Variants in STAM observed in about 807,000 individuals in gnomAD.
STAM encodes the protein signal transducing adapter molecule 1.
In STAM, 16 loss-of-function variants were observed where a neutral mutation model predicts 63.4. The ratio of observed to expected loss-of-function variants is 0.25; its 90% CI spans 0.17 to 0.38. STAM has a LOEUF of 0.38. Ranked by LOEUF, STAM falls within the 10% of genes least tolerant of loss-of-function variation. The pLI, the probability that STAM is intolerant of heterozygous loss-of-function variation, is 1.00. For missense variants in STAM, 636 were observed against 657.1 expected (o/e 0.97, Z 0.35); for synonymous variants, 238 against 223.9 (o/e 1.06, Z -0.56).
intron 1 of STAM, among the ~76,000 whole-genome samples, chr10:17,659,844 A>T (rs780426611): frequency 3.3e-5 from 5 of 152,082 alleles, no homozygotes; most frequent in African/African-American, 1.2e-4. Context: ...TTCTGCTAAC[A>T]TTGCTTTCAA....
chr10:17,662,010 A>G (rs782316816), intron 2 of STAM, among the ~76,000 whole-genome samples: 4 of 152,042 alleles, frequency 2.6e-5, no homozygotes, highest in Admixed American at 2.0e-4. Flanking sequence ...CCTTTTCTCC[A>G]TTTTTATTTG....
rs368297927 is a variant in STAM at position 17,663,025 on chromosome 10, C to T, written c.125+2477C>T. Among the ~76,000 whole-genome samples the T allele has an allele frequency of 1.6e-4, 25 of 152,206 alleles. No individual in the cohort carries two copies. The East Asian group carries it at 2.5e-3, about 15-fold the overall frequency. Reference sequence around the variant, plus strand: ...ACTTCGGTGTTTTTCATTTTGTAGACGCTTTCTGTAATAATTGGGTCAATT... The same window carrying T: ...ACTTCGGTGTTTTTCATTTTGTAGATGCTTTCTGTAATAATTGGGTCAATT... On this transcript the variant is annotated intron_variant, in intron 2 of 13. Coordinates refer to ENST00000377524, the MANE Select transcript of STAM (RefSeq NM_003473.4).
At chr10:17,649,966 A>G (rs1386880506) in intron 1 of STAM, among the ~76,000 whole-genome samples, 2 of 152,296 alleles carry the variant, frequency 1.3e-5, no homozygotes, top group East Asian at 1.9e-4. Flanking sequence ...CCCAAGAGGC[A>G]TCTTTGAATC....
Position 17,644,203 on chromosome 10 carries a change from G to C in STAM, c.-137G>C, listed in dbSNP as rs1318644892. On this transcript the variant is annotated 5_prime_UTR_variant, in exon 1 of 14. Coordinates refer to ENST00000377524, the MANE Select transcript of STAM (RefSeq NM_003473.4). ...TGCCGCGGTTGGTGGGGTTGGGTGAGAGGAGGAGCTGTCGCGGACCCTGTA... is the reference window on the plus strand; with the variant it reads ...TGCCGCGGTTGGTGGGGTTGGGTGACAGGAGGAGCTGTCGCGGACCCTGTA... The C allele has an allele frequency of 1.8e-5, 16 of 908,330 alleles. No homozygotes were observed. Among genetic ancestry groups the C allele is most frequent in the Middle Eastern group, 4.3e-4 (2 of 4,640 alleles). 56.3% of individuals were successfully genotyped at this position (908,330 alleles called of 1,614,324 possible).
chr10:17,647,038 C>A (rs530437053), intron 1 of STAM, among the ~76,000 whole-genome samples: 1 of 152,140 alleles, frequency 6.6e-6, no homozygotes, highest in East Asian at 1.9e-4. Flanking sequence ...ATAGCTTTTC[C>A]CTTGGAAGAA....
chr10:17,655,976 C>G (rs527476752), intron 1 of STAM, among the ~76,000 whole-genome samples: 2 of 151,550 alleles, frequency 1.3e-5, no homozygotes, highest in South Asian at 4.1e-4. Flanking sequence ...TTGCTTTTTT[C>G]TTTTTCTTTT....
chr10:17,706,838 A>G (rs1174599678), intron 12 of STAM, among the ~76,000 whole-genome samples: 3 of 152,062 alleles, frequency 2.0e-5, no homozygotes, highest in Non-Finnish European at 4.4e-5. Context: ...AGCTAAGAAA[A>G]CTCTCTTAAA....
At chr10:17,708,580 C>G (rs1375548350) in intron 12 of STAM, among the ~76,000 whole-genome samples, 196 bp from the exon 13 acceptor site, 2 of 151,906 alleles carry the variant, frequency 1.3e-5, no homozygotes, top group African/African-American at 4.9e-5. Context: ...ATATGTTTAA[C>G]TAAAAATGAA....
In STAM at chr10:17,709,038, TA is replaced by T. The variant is rs1554829781; in HGVS notation, c.1385+89del. On this transcript the variant is annotated intron_variant, in intron 13 of 13. Coordinates refer to ENST00000377524, the MANE Select transcript of STAM (RefSeq NM_003473.4). ...GTTATCTATAACTATAAAATCTGGC[TA>T]ATAAATATCTGTGGTCAGCGTCATG... is the stretch of plus-strand genomic sequence containing the variant. The T allele has an allele frequency of 2.7e-6, 4 of 1,469,394 alleles. No individual in the cohort carries two copies. The African/African-American group carries it at 5.6e-5, about 21-fold the overall frequency. 91.0% of individuals were successfully genotyped at this position (1,469,394 alleles called of 1,614,324 possible). A position where few individuals can be genotyped will look rare whatever the true frequency, so the allele number is the denominator to read the frequency against.
chr10:17,644,484 T>G, intron 1 of STAM, 105 bp downstream of exon 1: 11 of 1,363,516 alleles, frequency 8.1e-6, no homozygotes, highest in Non-Finnish European at 1.1e-5. Context: ...AAGGAAGAGC[T>G]CGCTCTTCCC....
At chr10:17,696,163 C>CT (rs1554827441) in intron 7 of STAM, 11 of 148,934 alleles carry the variant, frequency 7.4e-5, no homozygotes, top group Admixed American at 1.3e-4. Context: ...CATATTTTAA[C>CT]ATTTTTTTTT....
intron 6 of STAM, among the ~76,000 whole-genome samples, chr10:17,693,539 A>G (rs1381526853): frequency 6.6e-6 from 1 of 152,226 alleles, no homozygotes; most frequent in African/African-American, 2.4e-5. Context: ...CAAAAACAAT[A>G]TCAAGTGCTT....
At chr10:17,646,122 T>C (rs1489114709) in intron 1 of STAM, among the ~76,000 whole-genome samples, 1 of 152,232 alleles carries the variant, frequency 6.6e-6, no homozygotes, top group Non-Finnish European at 1.5e-5. Flanking sequence ...TATCCTTGTG[T>C]GTTAAGGCCA....
At chr10:17,681,323 TC>T (rs1835078520) in intron 2 of STAM, among the ~76,000 whole-genome samples, 1 of 151,962 alleles carries the variant, frequency 6.6e-6, no homozygotes, top group Non-Finnish European at 1.5e-5. Context: ...TTTTCTAATT[TC>T]CCCTGTGATT....
chr10:17,668,084 G>A (rs1242145838), intron 2 of STAM, among the ~76,000 whole-genome samples: 1 of 152,226 alleles, frequency 6.6e-6, no homozygotes. Flanking sequence ...AAGTTGAAAA[G>A]CCAAAGTGTT....
intron 2 of STAM, among the ~76,000 whole-genome samples, chr10:17,670,888 A>T (rs1564541293): frequency 6.6e-6 from 1 of 152,000 alleles, no homozygotes; most frequent in African/African-American, 2.4e-5. Context: ...TATGTAATGT[A>T]TGTTACAAAT....
At chr10:17,646,835 C>T (rs143287199) in intron 1 of STAM, among the ~76,000 whole-genome samples, 190 of 152,238 alleles carry the variant, frequency 1.2e-3, no homozygotes, top group African/African-American at 4.4e-3. Context: ...TTTTTTCTTT[C>T]ACCATATCTA....
At chr10:17,665,691 G>A (rs929438383) in intron 2 of STAM, among the ~76,000 whole-genome samples, 1 of 151,656 alleles carries the variant, frequency 6.6e-6, no homozygotes, top group Non-Finnish European at 1.5e-5. Context: ...ATTACTGAAT[G>A]AAAATTAGTA....
chr10:17,669,556 C>G (rs2131599929), intron 2 of STAM, among the ~76,000 whole-genome samples: 1 of 151,944 alleles, frequency 6.6e-6, no homozygotes, highest in East Asian at 1.9e-4. Context: ...TGTTTATAAC[C>G]TTTAGTAGTG....
Sources: allele counts gnomAD v4.1 joint callset (sites outside exome capture counted in the v4.1 genomes callset), GRCh38; gene constraint gnomAD v4.1.1; transcripts MANE v1.5; gene names NCBI Gene and HGNC (gene_info 2026-07-23, HGNC 2026-07-21).